The following RORB variants were observed in gnomAD, a reference collection of about 807,000 sequenced individuals.
The protein encoded by RORB is nuclear receptor ROR-beta.
RORB carries 6 observed loss-of-function variants against 59.1 expected under a neutral mutation model. The observed-to-expected ratio is 0.10, with a 90% CI of 0.06 to 0.20. The LOEUF is 0.20. Among genes scored for constraint, RORB ranks in the 10% least tolerant of loss-of-function variants. The probability of loss-of-function intolerance (pLI) is 1.00; values close to 1 mark genes in which losing one functional copy is unlikely to be tolerated. For synonymous variants in RORB, 215 were observed against 204.5 expected, an observed-to-expected ratio of 1.05 and a Z score of -0.44; for missense variants, 320 against 560.5, an observed-to-expected ratio of 0.57 and a Z score of 4.33.
At chr9:74,504,271 G>A (rs1015793706) in intron 1 of RORB, among the ~76,000 whole-genome samples, 3 of 151,984 alleles carry the variant, frequency 2.0e-5, no homozygotes, top group Non-Finnish European at 1.5e-5. Context: ...AGAAGGTACA[G>A]TATTTTATAC....
In RORB at chr9:74,690,816, T is replaced by C. The variant is rs1487795991; in HGVS notation, c.*5198T>C. On this transcript the variant is annotated 3_prime_UTR_variant, in exon 10 of 10. Transcript: ENST00000376896. ...AAAACTATTCAATTTAGTGATGGCTTATAAAAGACACTCCAACTTGTCTTG... is the reference window on the plus strand; with the variant it reads ...AAAACTATTCAATTTAGTGATGGCTCATAAAAGACACTCCAACTTGTCTTG... 6.6e-6 allele frequency: 1 copy of C among 152,016 alleles called. No homozygotes were observed. The highest frequency in any genetic ancestry group is 1.9e-4 in the East Asian group (1 of 5,148). 9.4% of individuals were successfully genotyped at this position (152,016 alleles called of 1,614,324 possible).
chr9:74,590,138 A>G (rs1822865149), intron 1 of RORB, among the ~76,000 whole-genome samples: 1 of 152,144 alleles, frequency 6.6e-6, no homozygotes. Flanking sequence ...CTCAGTAGTA[A>G]CAGTAGTAGT....
intron 3 of RORB, among the ~76,000 whole-genome samples, chr9:74,641,321 C>G (rs1326644824): frequency 6.6e-6 from 1 of 152,168 alleles, no homozygotes; most frequent in Non-Finnish European, 1.5e-5. Flanking sequence ...ATGAAAGCAC[C>G]TTGATATTAC....
chr9:74,641,005 A>G (rs568830450), intron 3 of RORB, among the ~76,000 whole-genome samples: 2 of 152,290 alleles, frequency 1.3e-5, no homozygotes, highest in African/African-American at 2.4e-5. Context: ...TCATGATTGA[A>G]TCCAGGAACT....
rs1223867164 is a variant in RORB at position 74,671,307 on chromosome 9, A to G, written c.1112-482A>G. Among the ~76,000 whole-genome samples, 3 of 152,196 alleles carry G rather than the reference A, an allele frequency of 2.0e-5. No homozygotes were observed. In the East Asian group the frequency reaches 5.8e-4, roughly 29 times the overall value. Reference sequence around the variant, plus strand: ...AATAGAACTTAGAAGTGAATTTTTGAAACTGATTTATGTTTATGCTATATA... The same window carrying G: ...AATAGAACTTAGAAGTGAATTTTTGGAACTGATTTATGTTTATGCTATATA... On this transcript the variant is annotated intron_variant, in intron 8 of 9. Transcript: ENST00000376896.
chr9:74,673,575 T>C (rs1824384319), intron 9 of RORB, among the ~76,000 whole-genome samples: 1 of 152,206 alleles, frequency 6.6e-6, no homozygotes, highest in Non-Finnish European at 1.5e-5. Context: ...CACCACTTTC[T>C]ACCTCCCACT....
At chr9:74,506,033 A>G (rs1162245803) in intron 1 of RORB, among the ~76,000 whole-genome samples, 3 of 151,830 alleles carry the variant, frequency 2.0e-5, no homozygotes, top group African/African-American at 4.8e-5. Flanking sequence ...TAATATCCAT[A>G]TACATTTGTT....
intron 4 of RORB, among the ~76,000 whole-genome samples, chr9:74,644,197 T>C (rs992447810): frequency 1.3e-5 from 2 of 152,194 alleles, no homozygotes; most frequent in Non-Finnish European, 2.9e-5. Flanking sequence ...TACACAGTTA[T>C]AAACCTGAAG....
At chr9:74,534,883 T>C (rs1826298320) in intron 1 of RORB, among the ~76,000 whole-genome samples, 1 of 152,076 alleles carries the variant, frequency 6.6e-6, no homozygotes, top group Non-Finnish European at 1.5e-5. Context: ...CACAATTGGA[T>C]TTGGCAGCTG....
Position 74,624,519 on chromosome 9 carries a change from T to G in RORB, c.8-5763T>G, listed in dbSNP as rs548580781. Among the ~76,000 whole-genome samples, 7 of 152,338 alleles carry G rather than the reference T, an allele frequency of 4.6e-5. No individual in the cohort carries two copies. The East Asian group carries it at 1.3e-3, about 29-fold the overall frequency. ...TATATTTGTCCTCTGAGGATCTTAT[T>G]TTTCCAAGATCCTATCCCATCCCAA... On this transcript the variant is annotated intron_variant, in intron 1 of 9. Coordinates refer to ENST00000376896, the MANE Select transcript of RORB (RefSeq NM_006914.4).
intron 9 of RORB, 72 bp downstream of exon 9, chr9:74,671,973 C>A: frequency 2.6e-6 from 2 of 782,536 alleles, no homozygotes; most frequent in South Asian, 1.9e-5. Flanking sequence ...GCTTATAAAT[C>A]AAGGGAAATT....
chr9:74,671,951 GC>G (rs780251291), intron 9 of RORB, 50 bp downstream of exon 9: 5 of 1,026,546 alleles, frequency 4.9e-6, no homozygotes, highest in African/African-American at 3.3e-5. Flanking sequence ...AGCACAGTGA[GC>G]AAAAAGGACT....
At chr9:74,643,231 A>G (rs1823840817) in intron 4 of RORB, among the ~76,000 whole-genome samples, 1 of 152,190 alleles carries the variant, frequency 6.6e-6, no homozygotes, top group Non-Finnish European at 1.5e-5. Context: ...TCTTCCTCTA[A>G]GATAAATGGG....
intron 2 of RORB, among the ~76,000 whole-genome samples, chr9:74,631,902 G>A (rs1823624609): frequency 6.6e-6 from 1 of 152,074 alleles, no homozygotes; most frequent in Non-Finnish European, 1.5e-5. Context: ...CTTCCTCTAG[G>A]CAGATAGACA....
intron 4 of RORB, among the ~76,000 whole-genome samples, chr9:74,655,083 T>TA (rs1824058145): frequency 6.6e-6 from 1 of 152,210 alleles, no homozygotes; most frequent in South Asian, 2.1e-4. Context: ...GTTTTTCTCT[T>TA]TCCTCTATAT....
At chr9:74,539,912 G>T (rs1448650655) in intron 1 of RORB, among the ~76,000 whole-genome samples, 1 of 148,602 alleles carries the variant, frequency 6.7e-6, no homozygotes, top group African/African-American at 2.5e-5. Context: ...GAGTAATTTT[G>T]CTCCTTGCCT....
chr9:74,507,714 T>A (rs1156325137), intron 1 of RORB, among the ~76,000 whole-genome samples: 2 of 152,108 alleles, frequency 1.3e-5, no homozygotes, highest in Non-Finnish European at 2.9e-5. Flanking sequence ...AATGAATAAC[T>A]GGCTTTCATT....
intron 1 of RORB, among the ~76,000 whole-genome samples, chr9:74,615,362 G>A (rs968654827): frequency 6.6e-6 from 1 of 152,144 alleles, no homozygotes; most frequent in Non-Finnish European, 1.5e-5. Flanking sequence ...ATTCTTTAGC[G>A]AATAAGTAGC....
chr9:74,625,331 A>G (rs565475424), intron 1 of RORB, among the ~76,000 whole-genome samples: 21 of 146,396 alleles, frequency 1.4e-4, no homozygotes, highest in African/African-American at 4.3e-4. Context: ...ATGAAAAATC[A>G]GACCCAGCAT....
Sources: allele counts gnomAD v4.1 joint callset (sites outside exome capture counted in the v4.1 genomes callset), GRCh38; gene constraint gnomAD v4.1.1; transcripts MANE v1.5; gene names NCBI Gene and HGNC (gene_info 2026-07-23, HGNC 2026-07-21).